FHIT: variants seen among roughly 807,000 people sequenced by gnomAD.
FHIT encodes bis(5'-adenosyl)-triphosphatase.
FHIT carries 19 observed loss-of-function variants against 17.9 expected under a neutral mutation model. That is an observed-to-expected ratio of 1.06 (90% CI 0.74 to 1.56). FHIT has a LOEUF of 1.56. FHIT is among the 40% of genes most tolerant of loss of function. The probability of loss-of-function intolerance (pLI) is 0.00; values close to 1 mark genes in which losing one functional copy is unlikely to be tolerated. For missense variants in FHIT, 248 were observed against 189.2 expected (o/e 1.31, Z -1.82); for synonymous variants, 81 against 69.7 (o/e 1.16, Z -0.81).
At chr3:59,755,410 C>CCTAAAGCAA (rs1269411600) in intron 8 of FHIT, among the ~76,000 whole-genome samples, 2 of 152,170 alleles carry the variant, frequency 1.3e-5, no homozygotes, top group Non-Finnish European at 2.9e-5. Flanking sequence ...GTTCCATTTC[C>CCTAAAGCAA]CTAAAGCAAC....
At chr3:60,509,796 T>C (rs1042763002) in intron 5 of FHIT, among the ~76,000 whole-genome samples, 3 of 152,234 alleles carry the variant, frequency 2.0e-5, no homozygotes, top group Non-Finnish European at 2.9e-5. Context: ...AACTACCCAA[T>C]AAGTCTCTTT....
At chr3:60,001,246 T>C (rs1384014366) in intron 7 of FHIT, among the ~76,000 whole-genome samples, 1 of 152,184 alleles carries the variant, frequency 6.6e-6, no homozygotes, top group Non-Finnish European at 1.5e-5. Flanking sequence ...TGGGAGCACA[T>C]GGCACATAGT....
Position 61,206,289 on chromosome 3 carries a change from T to A in FHIT, c.-212-5624A>T, listed in dbSNP as rs1302046953. Among the ~76,000 whole-genome samples the A allele has an allele frequency of 3.1e-5, 4 of 131,022 alleles. 2 individuals carry two copies. Among genetic ancestry groups the A allele is most frequent in the Admixed American group, 1.7e-4 (2 of 11,632 alleles). 86.0% of individuals were successfully genotyped at this position (131,022 alleles called of 152,430 possible). ...TCTGTTCTTTTGGCTTAGGATTGAC[T>A]TGGTGATGCAGGCTCTTTTTTGGTT... On this transcript the variant is annotated intron_variant, in intron 1 of 9. Coordinates refer to ENST00000492590, the MANE Select transcript of FHIT (RefSeq NM_002012.4).
At chr3:60,596,077 G>T (rs1553666369) in intron 4 of FHIT, 21 of 286,044 alleles carry the variant, frequency 7.3e-5, no homozygotes, top group Non-Finnish European at 1.1e-4. Context: ...CATTATTATT[G>T]CTCTATTAAT....
intron 2 of FHIT, among the ~76,000 whole-genome samples, chr3:61,086,405 A>C (rs72877853): frequency 0.01 from 1,573 of 152,226 alleles, 22 homozygotes; most frequent in African/African-American, 0.035. Context: ...TAATAAATAC[A>C]ACTTTGTCAT....
rs1185794416 is a variant in FHIT at position 60,695,775 on chromosome 3, G to T, written c.-18+126144C>A. 2.0e-5 allele frequency among the ~76,000 whole-genome samples: 3 copies of T among 152,314 alleles called. No individual in the cohort carries two copies. The East Asian group carries it at 5.8e-4, about 29-fold the overall frequency. ...TCTGCCATTGACAAGCTGTAATCTT[G>T]AGCAACGTATTTAACTTCTTTGTAC... On this transcript the variant is annotated intron_variant, in intron 4 of 9. Coordinates refer to ENST00000492590, the MANE Select transcript of FHIT (RefSeq NM_002012.4).
At chr3:61,060,717 T>G (rs993757807) in intron 2 of FHIT, among the ~76,000 whole-genome samples, 5 of 152,268 alleles carry the variant, frequency 3.3e-5, no homozygotes, top group African/African-American at 4.8e-5. Flanking sequence ...CAGTATTACA[T>G]GAACCTGCTC....
intron 4 of FHIT, among the ~76,000 whole-genome samples, chr3:60,799,874 A>T (rs1229041202): frequency 6.6e-6 from 1 of 152,238 alleles, no homozygotes; most frequent in Non-Finnish European, 1.5e-5. Flanking sequence ...CTATTCTGTA[A>T]ACTCTTTGAG....
At chr3:61,191,231 G>A (rs142144244) in intron 2 of FHIT, among the ~76,000 whole-genome samples, 6 of 152,108 alleles carry the variant, frequency 3.9e-5, no homozygotes, top group Non-Finnish European at 8.8e-5. Context: ...GTGTTTCTGG[G>A]TGAGATTAGC....
chr3:60,765,779 G>A (rs1575497094), intron 4 of FHIT, among the ~76,000 whole-genome samples: 1 of 152,188 alleles, frequency 6.6e-6, no homozygotes, highest in Non-Finnish European at 1.5e-5. Context: ...AGTGTGGGTG[G>A]GTACCATCCG....
At chr3:60,013,434 C>A (rs892693270) in intron 6 of FHIT, among the ~76,000 whole-genome samples, 1 of 152,152 alleles carries the variant, frequency 6.6e-6, no homozygotes, top group Non-Finnish European at 1.5e-5. Context: ...GATGACTCAC[C>A]ATGGACATCC....
At chr3:61,182,762 G>A (rs927568258) in intron 2 of FHIT, among the ~76,000 whole-genome samples, 4 of 152,082 alleles carry the variant, frequency 2.6e-5, no homozygotes, top group African/African-American at 9.7e-5. Context: ...ATGGGGGGTG[G>A]GGTTGGATGT....
intron 4 of FHIT, among the ~76,000 whole-genome samples, chr3:60,744,258 C>CAA (rs371224955): frequency 4.2e-4 from 40 of 95,616 alleles, no homozygotes; most frequent in African/African-American, 5.8e-4. Context: ...AAAAAAAAAA[C>CAA]AAAACAAAAC....
At chr3:60,525,992 G>C (rs2035559750) in intron 5 of FHIT, among the ~76,000 whole-genome samples, 1 of 150,496 alleles carries the variant, frequency 6.6e-6, no homozygotes, top group South Asian at 2.1e-4. Context: ...AGTCCCAGCT[G>C]TTCAGGAGGC....
intron 4 of FHIT, chr3:60,553,441 AATATATAT>A: frequency 2.1e-6 from 1 of 483,492 alleles, no homozygotes; most frequent in Non-Finnish European, 2.7e-6. Flanking sequence ...ACTGCTTTAA[AATATATAT>A]ATATATATAT....
At chr3:60,030,607 C>A (rs1470562250) in intron 5 of FHIT, among the ~76,000 whole-genome samples, 2 of 152,086 alleles carry the variant, frequency 1.3e-5, no homozygotes, top group Non-Finnish European at 2.9e-5. Flanking sequence ...ATTGAGAATG[C>A]AAACTGAAAT....
chr3:60,829,884 T>C (rs571706049), intron 3 of FHIT, among the ~76,000 whole-genome samples: 29 of 144,682 alleles, frequency 2.0e-4, no homozygotes, highest in African/African-American at 7.0e-4. Flanking sequence ...AGAAGTTACC[T>C]TTTTGTAAAA....
chr3:61,058,318 A>G (rs1297393671), intron 2 of FHIT, among the ~76,000 whole-genome samples: 1 of 152,252 alleles, frequency 6.6e-6, no homozygotes, highest in African/African-American at 2.4e-5. Flanking sequence ...AATAATTTAT[A>G]TACATGTAAA....
chr3:60,604,927 A>C (rs1576957435), intron 4 of FHIT, among the ~76,000 whole-genome samples: 1 of 152,222 alleles, frequency 6.6e-6, no homozygotes, highest in South Asian at 2.1e-4. Flanking sequence ...TGAAGGGATC[A>C]GTAACCTGCC....
Sources: gnomAD v4.1 joint callset for allele counts (sites outside exome capture counted in the v4.1 genomes callset) on GRCh38, gnomAD v4.1.1 for gene constraint, MANE v1.5 for transcripts, NCBI Gene and HGNC (gene_info 2026-07-23, HGNC 2026-07-21) for gene names.